Variants in EIF2B3 observed in about 807,000 individuals in gnomAD.
EIF2B3 encodes the protein translation initiation factor eIF2B subunit gamma.
Under a neutral mutation model 54.1 loss-of-function variants are expected in EIF2B3, and 20 were observed. That is an observed-to-expected ratio of 0.37 (90% CI 0.26 to 0.54). The LOEUF is 0.54. EIF2B3 is among the 20% of genes least tolerant of loss of function. EIF2B3 has a pLI of 0.86. For synonymous variants in EIF2B3, 153 were observed against 188.1 expected, an observed-to-expected ratio of 0.81 and a Z score of 1.52; for missense variants, 448 against 547.8, an observed-to-expected ratio of 0.82 and a Z score of 1.82.
At chr1:44,982,062 C>T (rs1378678008) in intron 1 of EIF2B3, among the ~76,000 whole-genome samples, 1 of 152,104 alleles carries the variant, frequency 6.6e-6, no homozygotes, top group African/African-American at 2.4e-5. Context: ...TAAGACTCCT[C>T]CAATAATTCA....
In EIF2B3 at chr1:44,883,546, G is replaced by C. The variant is rs940941030; in HGVS notation, c.657-1807C>G. Among the ~76,000 whole-genome samples, 4 of 152,110 alleles carry C rather than the reference G, an allele frequency of 2.6e-5. No homozygotes were observed. In the East Asian group the frequency reaches 5.8e-4, roughly 22 times the overall value. ...TGGCCCCCATCCAAAACTGGGCTCAGCAGAGGACTGGTTTCCACACCCCTA... is the reference window on the plus strand; with the variant it reads ...TGGCCCCCATCCAAAACTGGGCTCACCAGAGGACTGGTTTCCACACCCCTA... On this transcript the variant is annotated intron_variant, in intron 6 of 11. Coordinates refer to ENST00000360403, the MANE Select transcript of EIF2B3 (RefSeq NM_020365.5).
intron 3 of EIF2B3, chr1:44,970,125 A>C (rs1472663043): frequency 2.0e-5 from 3 of 152,254 alleles, no homozygotes. Context: ...ATGGTGCCAG[A>C]AAGTATAAAA....
chr1:44,900,075 T>C (rs1472292716), intron 5 of EIF2B3, among the ~76,000 whole-genome samples: 4 of 152,122 alleles, frequency 2.6e-5, no homozygotes, highest in Admixed American at 6.5e-5. Context: ...AGCAAAGTAA[T>C]GTAGAAACAG....
At chr1:44,951,921 G>A (rs1421168122) in intron 3 of EIF2B3, among the ~76,000 whole-genome samples, 1 of 142,104 alleles carries the variant, frequency 7.0e-6, no homozygotes. Flanking sequence ...CCGAGTAGCT[G>A]GGATTACAGG....
At chr1:44,956,198 G>A (rs1365706723) in intron 3 of EIF2B3, among the ~76,000 whole-genome samples, 1 of 152,198 alleles carries the variant, frequency 6.6e-6, no homozygotes, top group East Asian at 1.9e-4. Context: ...AAAAGGATGA[G>A]TTCATGTCCT....
rs1269403840 is a variant in EIF2B3, at chr1:44,910,653, TTTTTA to T, written c.567-13214_567-13210del. 1.2e-3 allele frequency among the ~76,000 whole-genome samples: 150 copies of T among 122,162 alleles called. 2 individuals are homozygous for T. Among genetic ancestry groups the T allele is most frequent in the African/African-American group, 5.4e-3 (141 of 26,132 alleles). The allele number at this position is 122,162 out of a possible 152,430, so 80.1% of individuals were successfully genotyped here. On this transcript the variant is annotated intron_variant, in intron 5 of 11. Transcript: ENST00000360403. ...ATGCTTTTTTTTTTTTTTTTTTTTT[TTTTTA>T]AAAGAGAGAAATGGGTCTTGCTATG...
intron 4 of EIF2B3, among the ~76,000 whole-genome samples, chr1:44,936,918 AG>A (rs1412284499): frequency 2.0e-5 from 3 of 152,224 alleles, no homozygotes; most frequent in Non-Finnish European, 2.9e-5. Flanking sequence ...GAAAGGATTC[AG>A]GCTCACTTTA....
At chr1:44,927,074 C>T (rs1643862744) in intron 4 of EIF2B3, among the ~76,000 whole-genome samples, 1 of 151,238 alleles carries the variant, frequency 6.6e-6, no homozygotes. Context: ...GTGGAGGTTG[C>T]AGTGAGCTGA....
intron 3 of EIF2B3, among the ~76,000 whole-genome samples, chr1:44,961,535 G>A (rs950441224): frequency 2.0e-5 from 3 of 151,988 alleles, no homozygotes; most frequent in African/African-American, 7.3e-5. Flanking sequence ...TTTTAAATTA[G>A]GCAGGTGTGG....
At chr1:44,985,688 G>A (rs531256503) in intron 1 of EIF2B3, among the ~76,000 whole-genome samples, 3 of 152,172 alleles carry the variant, frequency 2.0e-5, no homozygotes, top group Middle Eastern at 3.2e-3. Flanking sequence ...GGCAACCTAG[G>A]AAGCATGAAT....
intron 3 of EIF2B3, among the ~76,000 whole-genome samples, chr1:44,975,873 G>A (rs1644447838): frequency 6.6e-6 from 1 of 152,114 alleles, no homozygotes; most frequent in African/African-American, 2.4e-5. Context: ...GGAGGCTGAG[G>A]CACGAGAATC....
chr1:44,912,253 C>T (rs1229854141), intron 5 of EIF2B3, among the ~76,000 whole-genome samples: 2 of 152,190 alleles, frequency 1.3e-5, no homozygotes, highest in African/African-American at 4.8e-5. Flanking sequence ...CCTCATTTCA[C>T]ATAATAATTG....
intron 5 of EIF2B3, among the ~76,000 whole-genome samples, chr1:44,902,547 C>G (rs1275749018): frequency 6.6e-6 from 1 of 151,850 alleles, no homozygotes; most frequent in Non-Finnish European, 1.5e-5. Context: ...TCCAGTCAGG[C>G]ACAGTGGCTC....
chr1:44,982,361 T>G (rs1306062870), intron 1 of EIF2B3, among the ~76,000 whole-genome samples: 2 of 152,092 alleles, frequency 1.3e-5, no homozygotes, highest in African/African-American at 4.8e-5. Context: ...TGCAATGCCG[T>G]GATCTCGGCT....
Position 44,925,856 on chromosome 1 carries a change from G to A in EIF2B3, c.566+772C>T, listed in dbSNP as rs573900558. ...GGAGAATCGCTTGAACCTGGGAGGC[G>A]GAGGTTACAGTGAGCCAAGATTGCA... On this transcript the variant is annotated intron_variant, in intron 5 of 11. Transcript: ENST00000360403. Among the ~76,000 whole-genome samples, 60 of 148,628 alleles carry A rather than the reference G, an allele frequency of 4.0e-4. 1 individual carries two copies. The highest frequency in any genetic ancestry group is 1.5e-3 in the South Asian group (7 of 4,694).
chr1:44,974,761 C>T (rs1177322741), intron 3 of EIF2B3, among the ~76,000 whole-genome samples: 1 of 151,860 alleles, frequency 6.6e-6, no homozygotes, highest in African/African-American at 2.4e-5. Context: ...AGGTCCTAAA[C>T]GAATCTATAA....
intron 3 of EIF2B3, among the ~76,000 whole-genome samples, chr1:44,955,513 A>G (rs1002092635): frequency 6.6e-6 from 1 of 152,202 alleles, no homozygotes; most frequent in African/African-American, 2.4e-5. Context: ...AAATTGACAA[A>G]TGGAATCTAA....
chr1:44,851,254 G>A (rs1470315159), intron 11 of EIF2B3, among the ~76,000 whole-genome samples: 4 of 151,996 alleles, frequency 2.6e-5, no homozygotes, highest in African/African-American at 7.2e-5. Flanking sequence ...TAGTAGAGAT[G>A]GGGTTTCACC....
chr1:44,960,505 G>A (rs967848816), intron 3 of EIF2B3, among the ~76,000 whole-genome samples: 2 of 152,084 alleles, frequency 1.3e-5, no homozygotes, highest in African/African-American at 2.4e-5. Flanking sequence ...CAGGCGAGGT[G>A]GCGGGCGCCT....
Sources: allele counts gnomAD v4.1 joint callset (sites outside exome capture counted in the v4.1 genomes callset), GRCh38; gene constraint gnomAD v4.1.1; transcripts MANE v1.5; gene names NCBI Gene and HGNC (gene_info 2026-07-23, HGNC 2026-07-21).